The following PKD1 variants were observed in gnomAD, a reference collection of about 807,000 sequenced individuals.
PKD1 encodes polycystin-1.
A neutral mutation model predicts 361.7 loss-of-function variants in PKD1; 81 were observed. The ratio of observed to expected loss-of-function variants is 0.22; its 90% CI spans 0.19 to 0.27. The LOEUF (loss-of-function observed/expected upper bound fraction) is 0.27. Ranked by LOEUF, PKD1 falls within the 10% of genes least tolerant of loss-of-function variation. PKD1 has a pLI of 1.00. For synonymous variants in PKD1, 3,615 were observed against 2,818.3 expected, an observed-to-expected ratio of 1.28 and a Z score of -8.95; for missense variants, 6,399 against 6,118.3, an observed-to-expected ratio of 1.05 and a Z score of -1.53.
chr16:2,103,875 T>A lies in PKD1; in HGVS notation c.8182A>T (p.Ser2728Cys). ...GGCTGTGGTGCCCGCACGTCCGAGC[T>A]GGCCAGGTGGATGAGGTCTCCTGCA... ...NITGDLIHLA[S>C]SDVRAPQPSE... The change falls in exon 23 of 46, where the codon AGC becomes TGC. Residue 2728 changes from serine (S) to cysteine (C), a missense_variant. Physicochemically the swap from Ser to Cys is moderately radical, Grantham distance 112. Transcript: ENST00000262304. 1 of 1,551,636 alleles carries A rather than the reference T, an allele frequency of 6.4e-7. No homozygotes were observed. The highest frequency in any genetic ancestry group is 1.5e-5 in the African/African-American group (1 of 67,320).
At position 2,114,738 on chromosome 16, in the gene PKD1, C is replaced by T; in HGVS notation, c.2285G>A (p.Trp762Ter). 6.6e-7 allele frequency: 1 copy of T among 1,512,778 alleles called. No individual in the cohort carries two copies. The highest frequency in any genetic ancestry group is 8.9e-7 in the Non-Finnish European group (1 of 1,127,820). The allele number at this position is 1,512,778 out of a possible 1,614,324, so 93.7% of individuals were successfully genotyped here. ...CCGCAGGGCACAGGCAGGGCAGGCC[C>T]AAGTGCCCTCCAGCTGGGCTGGCAA... is the stretch of plus-strand genomic sequence containing the variant. ...PHLPAQLEGTWACPACALRLL... is the reference protein window; with the variant it reads ...PHLPAQLEGT Residue 762 changes from tryptophan to a stop codon, truncating the protein, a stop_gained, in exon 11 of 46, where the codon TGG (tryptophan) becomes TAG (stop). Coordinates refer to ENST00000262304, the MANE Select transcript of PKD1 (RefSeq NM_001009944.3). LOFTEE classifies it high-confidence loss of function.
At position 2,107,418 on chromosome 16, in the gene PKD1, A is replaced by G. The variant is rs563873942; in HGVS notation, c.7065+465T>C. The G allele has an allele frequency of 6.1e-4, 219 of 359,214 alleles. 2 individuals are homozygous for G. The highest frequency in any genetic ancestry group is 4.9e-3 in the South Asian group (209 of 42,446). The allele number at this position is 359,214 out of a possible 1,614,324, so 22.3% of individuals were successfully genotyped here. ...AGACCCCCAATCAGGCCAGCTGAGG[A>G]AAGCAGGGACTGGGGAACAGACGCC... is the stretch of plus-strand genomic sequence containing the variant. On this transcript the variant is annotated intron_variant, in intron 16 of 45. Coordinates refer to ENST00000262304, the MANE Select transcript of PKD1 (RefSeq NM_001009944.3).
rs371125343 is a variant in PKD1 at position 2,088,815 on chromosome 16, G to A, written c.*912C>T. On this transcript the variant is annotated 3_prime_UTR_variant, in exon 46 of 46. Coordinates refer to ENST00000262304, the MANE Select transcript of PKD1 (RefSeq NM_001009944.3). ...CCCACAGAAGTGGTACACAGAAGCA[G>A]GCACAGCCAGCTCCGAGGGCCTTGA... 7.8e-5 allele frequency: 54 copies of A among 693,870 alleles called. No homozygotes were observed. In the African/African-American group the frequency reaches 8.5e-4, roughly 11 times the overall value. 43.0% of individuals were successfully genotyped at this position (693,870 alleles called of 1,614,324 possible).
At chr16:2,111,914 C>T (rs754192017) in intron 14 of PKD1, 43 bp from the exon 15 acceptor site, 2 of 1,604,076 alleles carry the variant, frequency 1.2e-6, no homozygotes, top group Non-Finnish European at 1.7e-6. Context: ...GCACCCCCAC[C>T]TGCTCCCCAC....
Position 2,135,486 on chromosome 16 carries a change from G to T in PKD1, c.204C>A (p.Asp68Glu), listed in dbSNP as rs2092939906. 1 of 1,166,450 alleles carries T rather than the reference G, an allele frequency of 8.6e-7. No individual in the cohort carries two copies. The highest frequency in any genetic ancestry group is 1.1e-6 in the Non-Finnish European group (1 of 943,290). 72.3% of individuals were successfully genotyped at this position (1,166,450 alleles called of 1,614,324 possible). The change falls in exon 1 of 46, where the codon GAC becomes GAA. Residue 68 changes from aspartate to glutamate, a missense_variant. Transcript: ENST00000262304. Reference sequence around the variant, plus strand: ...GGCCCGCTACTCACAGCGCTGTGGCGTCCGCGGGGATGCGCAGCGCGGGAC... The same window carrying T: ...GGCCCGCTACTCACAGCGCTGTGGCTTCCGCGGGGATGCGCAGCGCGGGAC... ...TLGPALRIPA[D>E]ATALDVSHNL...
At chr16:2,092,360 G>C (rs1040161547) in intron 39 of PKD1, 120 bp downstream of exon 39, 1 of 948,808 alleles carries the variant, frequency 1.1e-6, no homozygotes, top group Admixed American at 2.1e-5. Context: ...AGGAAACGGC[G>C]GTGTTAAGAG....
chr16:2,107,122 C>G (rs373524428), intron 16 of PKD1, 174 bp from the exon 17 acceptor site: 8 of 690,918 alleles, frequency 1.2e-5, no homozygotes, highest in Non-Finnish European at 1.8e-5. Context: ...CCAACTTGGA[C>G]GGCGGAAGGG....
chr16:2,104,395 C>A (rs1471477563), intron 22 of PKD1, 103 bp downstream of exon 22: 1 of 657,734 alleles, frequency 1.5e-6, no homozygotes, highest in Non-Finnish European at 2.5e-6. Flanking sequence ...GGGAGGGGGA[C>A]GAAGATGGGA....
In PKD1 at chr16:2,090,782, G is replaced by A. The variant is rs746569527; in HGVS notation, c.12030C>T (p.Arg4010=). Residue 4010 remains arginine (R), a synonymous_variant, in exon 44 of 46, where the codon CGC becomes CGT. Transcript: ENST00000262304. ...VKAAQQLRFV[R]QWSVFGKTLC... ...ATGTCTTGCCAAAGACGGACCACTG[G>A]CGCACGAAGCGTAGCTGCTGGGCAG... 5.6e-6 allele frequency: 9 copies of A among 1,612,584 alleles called. No homozygotes were observed. The highest frequency in any genetic ancestry group is 7.6e-6 in the Non-Finnish European group (9 of 1,179,950).
Position 2,107,921 on chromosome 16 carries a change from A to G in PKD1, c.7027T>C (p.Trp2343Arg). The stretch of plus-strand genomic sequence containing the variant: ...GCCTCCTCCTTGCGGCCGGCCTTCC[A>G]CACGGTCAGGCTGAAGGTGTACTCC... ...GVEYTFSLTV[W>R]KAGRKEEATN... Residue 2343 changes from tryptophan to arginine, a missense_variant, in exon 16 of 46, where the codon TGG becomes CGG. Trp to Arg is a moderately radical substitution (Grantham distance 101). Coordinates refer to ENST00000262304, the MANE Select transcript of PKD1 (RefSeq NM_001009944.3). 1 of 1,545,848 alleles carries G rather than the reference A, an allele frequency of 6.5e-7. No homozygotes were observed. Among genetic ancestry groups the G allele is most frequent in the Non-Finnish European group, 8.7e-7 (1 of 1,146,680 alleles).
At chr16:2,094,269 GC>G in intron 34 of PKD1, 59 bp from the exon 35 acceptor site, 1 of 1,104,360 alleles carries the variant, frequency 9.1e-7, no homozygotes. Context: ...TTGCAGCCAA[GC>G]CCATGTTAAC....
chr16:2,135,690 C>T lies in PKD1; in HGVS notation c.-1G>A, dbSNP rs2092942141. ...GGCGGGCGGGCGCGGCGGGCGGCAT[C>T]GTTAGGGCAGCGCGCGCATGGCCCC... On this transcript the variant is annotated 5_prime_UTR_variant, in exon 1 of 46. Transcript: ENST00000262304. 7 of 841,484 alleles carry T rather than the reference C, an allele frequency of 8.3e-6. No homozygotes were observed. The South Asian group carries it at 3.2e-4, about 38-fold the overall frequency. 52.1% of individuals were successfully genotyped at this position (841,484 alleles called of 1,614,324 possible).
rs1187974280 is a variant in PKD1 at position 2,111,486 on chromosome 16, G to T, written c.3681C>A (p.Ala1227=). ...VDMSLAVEQG[A]PVVVSAAVQT... Reference sequence around the variant, plus strand: ...GCACCGCGGCGCTGACCACCACGGGGGCGCCCTGCTCCACGGCCAGGCTCA... The same window carrying T: ...GCACCGCGGCGCTGACCACCACGGGTGCGCCCTGCTCCACGGCCAGGCTCA... Residue 1227 remains alanine (A), a synonymous_variant, in exon 15 of 46, where the codon GCC becomes GCA. Transcript: ENST00000262304. 4 of 1,611,354 alleles carry T rather than the reference G, an allele frequency of 2.5e-6. No homozygotes were observed. Among genetic ancestry groups the T allele is most frequent in the East Asian group, 2.2e-5 (1 of 44,850 alleles).
Position 2,108,291 on chromosome 16 carries a change from C to T in PKD1, c.6876G>A (p.Thr2292=), listed in dbSNP as rs780858412. The T allele has an allele frequency of 1.9e-6, 3 of 1,601,500 alleles. No homozygotes were observed. Among genetic ancestry groups the T allele is most frequent in the Non-Finnish European group, 1.7e-6 (2 of 1,173,134 alleles). The part of the protein sequence containing the change: ...YDPNLEDGDQ[T]PLSFHWACVA... ...CACAGGCCCAGTGGAAACTGAGCGG[C>T]GTCTGGTCGCCGTCCTCCAGGTTGG... The change falls in exon 15 of 46, where the codon ACG becomes ACA. Residue 2292 remains threonine (T), a synonymous_variant. Coordinates refer to ENST00000262304, the MANE Select transcript of PKD1 (RefSeq NM_001009944.3).
In PKD1 at chr16:2,108,609, G is replaced by C. The variant is rs1412096726; in HGVS notation, c.6558C>G (p.Arg2186=). 1.9e-6 allele frequency: 3 copies of C among 1,558,802 alleles called. No individual in the cohort carries two copies. Among genetic ancestry groups the C allele is most frequent in the African/African-American group, 1.4e-5 (1 of 74,008 alleles). The change falls in exon 15 of 46, where the codon CGC becomes CGG. Residue 2186 remains arginine (R), a synonymous_variant. Coordinates refer to ENST00000262304, the MANE Select transcript of PKD1 (RefSeq NM_001009944.3). Reference sequence around the variant, plus strand: ...AGCTGGCGGTGCGATACACCTCCCAGCGGTACTCAGTCTGGTAGGTGACGC... The same window carrying C: ...AGCTGGCGGTGCGATACACCTCCCACCGGTACTCAGTCTGGTAGGTGACGC... ...RDCVTYQTEY[R]WEVYRTASCQ... is the part of the protein sequence containing the mutation.
At chr16:2,126,229 C>T (rs760457546) in intron 1 of PKD1, among the ~76,000 whole-genome samples, 1 of 152,256 alleles carries the variant, frequency 6.6e-6, no homozygotes, top group Non-Finnish European at 1.5e-5. Flanking sequence ...TGTGACGTTC[C>T]CTGGGCATGG....
rs2092640827 is a variant in PKD1 at position 2,116,588 on chromosome 16, C to T, written c.1663G>A (p.Gly555Arg). ...TGCTGTGCCAGAGGCGTCAGGGGTC[C>T]CTGCAGGTCCCCACTGGGCGCTCCC... ...LVGAPSGDLQGPLTPLAQQDG... is the reference protein window; with the variant it reads ...LVGAPSGDLQRPLTPLAQQDG... The change falls in exon 8 of 46, where the codon GGA (glycine) becomes AGA (arginine). Residue 555 changes from glycine (G) to arginine (R), a missense_variant. Physicochemically the swap from Gly to Arg is moderately radical, Grantham distance 125. Transcript: ENST00000262304. 6.4e-7 allele frequency: 1 copy of T among 1,569,512 alleles called. No homozygotes were observed. The highest frequency in any genetic ancestry group is 8.6e-7 in the Non-Finnish European group (1 of 1,162,154).
At position 2,112,726 on chromosome 16, in the gene PKD1, C is replaced by T. The variant is rs190893587; in HGVS notation, c.3161+62G>A. ...ACCCCGTGATGTGGGGGTCCCTCGG[C>T]TGAGGCTGGGGCTGGGACAAGAGCC... On this transcript the variant is annotated intron_variant, in intron 13 of 45. Transcript: ENST00000262304. The T allele has an allele frequency of 3.4e-5, 52 of 1,549,052 alleles. No individual in the cohort carries two copies. In the African/African-American group the frequency reaches 5.4e-4, roughly 16 times the overall value.
At chr16:2,093,282 C>T in intron 37 of PKD1, 189 bp from the exon 38 acceptor site, 3 of 726,874 alleles carry the variant, frequency 4.1e-6, no homozygotes, top group Non-Finnish European at 4.6e-6. Context: ...CACCTGGGGG[C>T]AGACACACAG....
Sources: allele counts gnomAD v4.1 joint callset (sites outside exome capture counted in the v4.1 genomes callset), GRCh38; gene constraint gnomAD v4.1.1; transcripts MANE v1.5; gene names NCBI Gene and HGNC (gene_info 2026-07-23, HGNC 2026-07-21).